Variants in ST6GAL2 observed in about 807,000 individuals in gnomAD.
The protein encoded by ST6GAL2 is beta-galactoside alpha-2,6-sialyltransferase 2.
In ST6GAL2, 24 loss-of-function variants were observed where a neutral mutation model predicts 37.5. The observed-to-expected ratio is 0.64, with a 90% CI of 0.46 to 0.90. The LOEUF is 0.90. ST6GAL2 is among the 40% of genes least tolerant of loss of function. ST6GAL2 has a pLI of 0.00. For missense variants in ST6GAL2, 715 were observed against 712.7 expected (o/e 1.00, Z -0.04); for synonymous variants, 306 against 295.1 (o/e 1.04, Z -0.38).
chr2:106,822,896 A>C (rs536788598), intron 5 of ST6GAL2: 1 of 152,324 alleles, frequency 6.6e-6, no homozygotes, highest in South Asian at 2.1e-4. Flanking sequence ...AAATGTATTT[A>C]TATTATGTCA....
intron 2 of ST6GAL2, among the ~76,000 whole-genome samples, chr2:106,839,471 GCCTGTGA>G (rs1190317695): frequency 3.3e-5 from 5 of 152,294 alleles, no homozygotes; most frequent in Middle Eastern, 3.4e-3. Flanking sequence ...GGATAGTTGA[GCCTGTGA>G]CCTATTCATT....
At chr2:106,831,882 T>C (rs556037533) in intron 4 of ST6GAL2, among the ~76,000 whole-genome samples, 4 of 152,226 alleles carry the variant, frequency 2.6e-5, no homozygotes, top group Admixed American at 2.6e-4. Context: ...CATCTCTTAC[T>C]AGGCTAAATA....
chr2:106,837,477 G>A (rs1315935502), intron 2 of ST6GAL2, among the ~76,000 whole-genome samples: 8 of 152,270 alleles, frequency 5.3e-5, no homozygotes, highest in Admixed American at 3.3e-4. Flanking sequence ...ATGGACCCTC[G>A]AAAGGGTCTT....
rs566528505 is a variant in ST6GAL2, at chr2:106,827,816, G to T, written c.1318+2250C>A. On this transcript the variant is annotated intron_variant, in intron 5 of 5. Transcript: ENST00000409382. ...TAATTGAAACATAAGTAGCCATATT[G>T]GTCAGTACAGTGTTAGAAAATAATA... 3.3e-5 allele frequency among the ~76,000 whole-genome samples: 5 copies of T among 152,218 alleles called. 1 individual carries two copies. The highest frequency in any genetic ancestry group is 1.2e-4 in the African/African-American group (5 of 41,528).
In ST6GAL2 at chr2:106,802,496, A is replaced by T. The variant is rs947888562; in HGVS notation, c.*4182T>A. 6.6e-6 allele frequency: 1 copy of T among 152,130 alleles called. No homozygotes were observed. The highest frequency in any genetic ancestry group is 2.4e-5 in the African/African-American group (1 of 41,430). The allele number at this position is 152,130 out of a possible 1,614,324, so 9.4% of individuals were successfully genotyped here. The stretch of plus-strand genomic sequence containing the variant: ...TTCATTTAATAAAACAAGAACTTAC[A>T]TTTTATTTCCTTGAACGGACAGAGA... On this transcript the variant is annotated 3_prime_UTR_variant, in exon 6 of 6. Coordinates refer to ENST00000409382, the MANE Select transcript of ST6GAL2 (RefSeq NM_001142351.2).
intron 1 of ST6GAL2, 28 bp from the exon 2 acceptor site, chr2:106,844,062 C>G: frequency 2.8e-6 from 3 of 1,087,556 alleles, no homozygotes; most frequent in African/African-American, 1.6e-5. Context: ...GGCAGTTAGC[C>G]AACATGGGGC....
chr2:106,864,091 G>C (rs1573300359), intron 1 of ST6GAL2, among the ~76,000 whole-genome samples: 1 of 152,192 alleles, frequency 6.6e-6, no homozygotes, highest in Non-Finnish European at 1.5e-5. Context: ...GAGGAGGCTG[G>C]GAAGATGGGC....
chr2:106,861,333 T>C (rs1196809942), intron 1 of ST6GAL2, among the ~76,000 whole-genome samples: 1 of 152,136 alleles, frequency 6.6e-6, no homozygotes, highest in Non-Finnish European at 1.5e-5. Context: ...CCTATAGAAA[T>C]CTCTTTCTCC....
chr2:106,885,324 G>T (rs1432058773), intron 1 of ST6GAL2, among the ~76,000 whole-genome samples: 1 of 152,024 alleles, frequency 6.6e-6, no homozygotes, highest in African/African-American at 2.4e-5. Context: ...CAAAAATCCA[G>T]CCAAGCATTA....
chr2:106,813,115 T>TA (rs1491057201), intron 5 of ST6GAL2: 1 of 443,528 alleles, frequency 2.3e-6, no homozygotes, highest in African/African-American at 2.5e-5. Flanking sequence ...ATATGGCCAG[T>TA]TTTTTTTTTT....
intron 5 of ST6GAL2, chr2:106,825,088 T>A (rs1407739180): frequency 6.6e-6 from 1 of 152,284 alleles, no homozygotes; most frequent in Non-Finnish European, 1.5e-5. Context: ...ACAGCCACCC[T>A]CCAAACTGAC....
chr2:106,861,238 T>A (rs1362066983), intron 1 of ST6GAL2, among the ~76,000 whole-genome samples: 1 of 152,240 alleles, frequency 6.6e-6, no homozygotes, highest in Non-Finnish European at 1.5e-5. Context: ...TCTGCTTTAA[T>A]ATCCATATTA....
rs528817504 is a variant in ST6GAL2 at position 106,838,610 on chromosome 2, T to C, written c.943+4425A>G. On this transcript the variant is annotated intron_variant, in intron 2 of 5. Transcript: ENST00000409382. ...GCACAGGGCTGAGAGCTAGTGTTTC[T>C]GGAGACCCAGACTGGGGTTTGAATC... is the stretch of plus-strand genomic sequence containing the variant. 6.6e-5 allele frequency among the ~76,000 whole-genome samples: 10 copies of C among 152,322 alleles called. 1 individual carries two copies. The highest frequency in any genetic ancestry group is 2.2e-4 in the African/African-American group (9 of 41,566).
chr2:106,801,619 T>A lies in ST6GAL2; in HGVS notation c.*5059A>T, dbSNP rs1675266303. 1 of 152,244 alleles carries A rather than the reference T, an allele frequency of 6.6e-6. No homozygotes were observed. Among genetic ancestry groups the A allele is most frequent in the African/African-American group, 2.4e-5 (1 of 41,466 alleles). 9.4% of individuals were successfully genotyped at this position (152,244 alleles called of 1,614,324 possible). A position where few individuals can be genotyped will look rare whatever the true frequency, so the allele number is the denominator to read the frequency against. On this transcript the variant is annotated 3_prime_UTR_variant, in exon 6 of 6. Coordinates refer to ENST00000409382, the MANE Select transcript of ST6GAL2 (RefSeq NM_001142351.2). The stretch of plus-strand genomic sequence containing the variant: ...AGAAACTTCTAGACAAATGAAAACA[T>A]GTTTTATTTACAAGAAAAAAGTCTG...
intron 1 of ST6GAL2, 32 bp from the exon 2 acceptor site, chr2:106,844,066 A>G: frequency 9.5e-7 from 1 of 1,054,168 alleles, no homozygotes; most frequent in South Asian, 1.5e-5. Context: ...GTTAGCCAAC[A>G]TGGGGCATCT....
intron 5 of ST6GAL2, among the ~76,000 whole-genome samples, chr2:106,826,045 G>A (rs1378433729): frequency 6.6e-6 from 1 of 152,122 alleles, no homozygotes; most frequent in African/African-American, 2.4e-5. Context: ...AATGTCTTTC[G>A]TGTTCAAAAG....
chr2:106,860,250 G>C (rs573959605), intron 1 of ST6GAL2, among the ~76,000 whole-genome samples: 21 of 152,274 alleles, frequency 1.4e-4, no homozygotes, highest in Admixed American at 1.4e-3. Context: ...TCTCTAGTGA[G>C]CTCTAAGCTC....
rs975723747 is a variant in ST6GAL2, at chr2:106,801,878, G to A, written c.*4800C>T. The A allele has an allele frequency of 2.0e-5, 3 of 152,130 alleles. No homozygotes were observed. Among genetic ancestry groups the A allele is most frequent in the South Asian group, 4.2e-4 (2 of 4,742 alleles). The allele number at this position is 152,130 out of a possible 1,614,324, so 9.4% of individuals were successfully genotyped here. On this transcript the variant is annotated 3_prime_UTR_variant, in exon 6 of 6. Coordinates refer to ENST00000409382, the MANE Select transcript of ST6GAL2 (RefSeq NM_001142351.2). Reference sequence around the variant, plus strand: ...AAGTATTTCATCTAGAATAAAACAGGATTTGTTATAAATGTTAGATTTTAA... The same window carrying A: ...AAGTATTTCATCTAGAATAAAACAGAATTTGTTATAAATGTTAGATTTTAA...
chr2:106,866,754 C>T (rs1271353565), intron 1 of ST6GAL2, among the ~76,000 whole-genome samples: 2 of 152,140 alleles, frequency 1.3e-5, no homozygotes, highest in African/African-American at 2.4e-5. Flanking sequence ...CATCAGGAAG[C>T]TGAAGGTAGA....
Sources: gnomAD v4.1 joint callset for allele counts (sites outside exome capture counted in the v4.1 genomes callset) on GRCh38, gnomAD v4.1.1 for gene constraint, MANE v1.5 for transcripts, NCBI Gene and HGNC (gene_info 2026-07-23, HGNC 2026-07-21) for gene names.